The following TYRP1 variants were observed in gnomAD, a reference collection of about 807,000 sequenced individuals.
The protein encoded by TYRP1 is tyrosinase related protein 1.
Under a neutral mutation model 42.8 loss-of-function variants are expected in TYRP1, and 49 were observed. The ratio of observed to expected loss-of-function variants is 1.14; its 90% confidence interval spans 0.91 to 1.45. The LOEUF (loss-of-function observed/expected upper bound fraction) is 1.45, where lower values mean the gene tolerates loss of function less well. TYRP1 is among the 40% of genes most tolerant of loss of function. The pLI, the probability that TYRP1 is intolerant of heterozygous loss-of-function variation, is 0.00. For missense variants in TYRP1, 848 were observed against 662.0 expected (o/e 1.28, Z -3.08); for synonymous variants, 279 against 235.4 (o/e 1.19, Z -1.69).
intron 6 of TYRP1, among the ~76,000 whole-genome samples, chr9:12,704,989 A>G (rs896361827): frequency 6.6e-6 from 1 of 152,026 alleles, no homozygotes; most frequent in African/African-American, 2.4e-5. Flanking sequence ...TATGTTTCAC[A>G]AATTGTTCTT....
chr9:12,708,508 A>G (rs1465151183), intron 7 of TYRP1, among the ~76,000 whole-genome samples: 1 of 151,938 alleles, frequency 6.6e-6, no homozygotes, highest in Non-Finnish European at 1.5e-5. Flanking sequence ...ATATGCCCCA[A>G]TTTTTCTACT....
In TYRP1 at chr9:12,694,111, G is replaced by C. The variant is rs779169449; in HGVS notation, c.115G>C (p.Gly39Arg). ...TGCCACTGTTGAGGCTTTGAGAAGT[G>C]GTATGTGTTGCCCAGACCTGTCCCC... is the stretch of plus-strand genomic sequence containing the variant. ...QCATVEALRS[G>R]MCCPDLSPVS... The change falls in exon 2 of 8, where the codon GGT becomes CGT. Residue 39 changes from glycine (G) to arginine (R), a missense_variant. Gly to Arg is a moderately radical substitution (Grantham distance 125, BLOSUM62 -2). Coordinates refer to ENST00000388918, the MANE Select transcript of TYRP1 (RefSeq NM_000550.3). 6 of 1,613,954 alleles carry C rather than the reference G, an allele frequency of 3.7e-6. No individual in the cohort carries two copies. The African/African-American group carries it at 8.0e-5, about 22-fold the overall frequency.
At chr9:12,697,510 C>A (rs1250549842) in intron 3 of TYRP1, among the ~76,000 whole-genome samples, 1 of 151,924 alleles carries the variant, frequency 6.6e-6, no homozygotes, top group Non-Finnish European at 1.5e-5. Flanking sequence ...CTCTAAAACA[C>A]CCAAGGATAA....
At chr9:12,695,455 C>A (rs890515519) in intron 2 of TYRP1, 60 bp from the exon 3 acceptor site, 2 of 1,507,066 alleles carry the variant, frequency 1.3e-6, no homozygotes, top group East Asian at 2.3e-5. Context: ...TGATTATGCT[C>A]TTTCTCTACC....
intron 5 of TYRP1, 48 bp from the exon 6 acceptor site, chr9:12,704,478 G>A (rs1818225111): frequency 1.3e-6 from 2 of 1,587,088 alleles, no homozygotes; most frequent in South Asian, 1.1e-5. Context: ...CTGGAAAAGT[G>A]AAATATTTGC....
intron 3 of TYRP1, among the ~76,000 whole-genome samples, chr9:12,696,589 G>A (rs996452517): frequency 3.9e-5 from 6 of 151,914 alleles, no homozygotes; most frequent in African/African-American, 1.2e-4. Context: ...AAAAGACATT[G>A]GCTTTTTATT....
intron 3 of TYRP1, among the ~76,000 whole-genome samples, chr9:12,696,673 A>G (rs553342090): frequency 2.0e-3 from 298 of 152,286 alleles, no homozygotes; most frequent in African/African-American, 6.7e-3. Flanking sequence ...CAAACATATT[A>G]AAGTATCTAG....
intron 2 of TYRP1, 161 bp downstream of exon 2, chr9:12,694,542 G>T: frequency 1.1e-6 from 1 of 914,586 alleles, no homozygotes; most frequent in Admixed American, 2.5e-5. Context: ...TAAGAAACTT[G>T]TTTAATGTAA....
chr9:12,706,967 T>C (rs558793066), intron 6 of TYRP1, among the ~76,000 whole-genome samples: 1 of 152,028 alleles, frequency 6.6e-6, no homozygotes, highest in Admixed American at 6.6e-5. Flanking sequence ...TAAAGAAAAG[T>C]GGAGTCATTC....
chr9:12,706,117 G>C (rs528545541), intron 6 of TYRP1, among the ~76,000 whole-genome samples: 98 of 152,016 alleles, frequency 6.4e-4, no homozygotes, highest in Non-Finnish European at 6.6e-4. Flanking sequence ...TGTTTAACTA[G>C]ATTACTTTTA....
chr9:12,694,525 G>A, intron 2 of TYRP1, 144 bp downstream of exon 2: 4 of 1,042,340 alleles, frequency 3.8e-6, no homozygotes, highest in Non-Finnish European at 5.6e-6. Context: ...CTGAGGCTTA[G>A]AAAGGTTAAG....
At chr9:12,699,422 C>T (rs1035940094) in intron 4 of TYRP1, among the ~76,000 whole-genome samples, 1 of 151,966 alleles carries the variant, frequency 6.6e-6, no homozygotes, top group African/African-American at 2.4e-5. Context: ...CTTCTTCAGG[C>T]ATGTATGGCT....
intron 5 of TYRP1, among the ~76,000 whole-genome samples, 176 bp from the exon 6 acceptor site, chr9:12,704,350 G>T (rs892364582): frequency 1.3e-5 from 2 of 151,920 alleles, no homozygotes; most frequent in East Asian, 3.9e-4. Context: ...CTAGCTCTGG[G>T]TATAGCAAAC....
At chr9:12,699,966 A>G (rs1260636707) in intron 4 of TYRP1, 3 of 152,094 alleles carry the variant, frequency 2.0e-5, no homozygotes, top group Non-Finnish European at 2.9e-5. Flanking sequence ...AATTAATATA[A>G]CAAGTCTCCT....
At chr9:12,707,966 T>A in intron 6 of TYRP1, 31 bp from the exon 7 acceptor site, 2 of 1,578,520 alleles carry the variant, frequency 1.3e-6, no homozygotes, top group Non-Finnish European at 1.7e-6. Context: ...TTTATTATGT[T>A]TATTAATACG....
Position 12,708,023 on chromosome 9 carries a change from G to A in TYRP1, c.1288G>A (p.Ala430Thr), listed in dbSNP as rs1319341719. 1 of 1,612,160 alleles carries A rather than the reference G, an allele frequency of 6.2e-7. No individual in the cohort carries two copies. Among genetic ancestry groups the A allele is most frequent in the East Asian group, 2.2e-5 (1 of 44,798 alleles). Residue 430 changes from alanine to threonine, a missense_variant, in exon 7 of 8, where the codon GCC (alanine) becomes ACC (threonine). By Grantham distance (58) the Ala-to-Thr change is moderately conservative. Transcript: ENST00000388918. ...TATATCCACATTTCCATTGGAAAAT[G>A]CCCCTATTGGACATAATAGACAATA... The part of the protein sequence containing the change: ...ADISTFPLEN[A>T]PIGHNRQYNM...
intron 6 of TYRP1, 102 bp downstream of exon 6, chr9:12,704,807 C>A: frequency 8.6e-7 from 1 of 1,156,316 alleles, no homozygotes; most frequent in South Asian, 1.2e-5. Context: ...AAAACACTTT[C>A]AAAATAAGGA....
chr9:12,699,114 G>C (rs1256793493), intron 4 of TYRP1, among the ~76,000 whole-genome samples: 1 of 152,192 alleles, frequency 6.6e-6, no homozygotes, highest in African/African-American at 2.4e-5. Context: ...TATAAAGTTA[G>C]AAAACAAAAG....
intron 1 of TYRP1, 28 bp from the exon 2 acceptor site, chr9:12,693,884 T>G (rs1365215916): frequency 6.8e-7 from 1 of 1,477,436 alleles, no homozygotes; most frequent in African/African-American, 1.4e-5. Context: ...AAAACTTGCA[T>G]AATCTCATTT....
Sources: allele counts gnomAD v4.1 joint callset (sites outside exome capture counted in the v4.1 genomes callset), GRCh38; gene constraint gnomAD v4.1.1; transcripts MANE v1.5; gene names NCBI Gene and HGNC (gene_info 2026-07-23, HGNC 2026-07-21).